Variants in TMED6 observed in about 807,000 individuals in gnomAD.
The protein encoded by TMED6 is transmembrane p24 trafficking protein 6, also known as transmembrane emp24 domain-containing protein 6.
In TMED6, 17 loss-of-function variants were observed where a neutral mutation model predicts 26.5. That is an observed-to-expected ratio of 0.64 (90% CI 0.44 to 0.96). The LOEUF (loss-of-function observed/expected upper bound fraction) is 0.96, where lower values mean the gene tolerates loss of function less well. Ranked by LOEUF, TMED6 falls within the 40% of genes least tolerant of loss-of-function variation. The pLI, the probability that TMED6 is intolerant of heterozygous loss-of-function variation, is 0.00. For synonymous variants in TMED6, 107 were observed against 106.2 expected (o/e 1.01, Z -0.04); for missense variants, 309 against 296.5 (o/e 1.04, Z -0.31).
chr16:69,344,956 G>T (rs1424582142), intron 3 of TMED6, among the ~76,000 whole-genome samples: 1 of 151,926 alleles, frequency 6.6e-6, no homozygotes, highest in Non-Finnish European at 1.5e-5. Context: ...AGGCGTGGTG[G>T]CACCCGCCTG....
intron 3 of TMED6, among the ~76,000 whole-genome samples, chr16:69,346,581 T>C (rs1398470968): frequency 6.6e-6 from 1 of 152,148 alleles, no homozygotes. Flanking sequence ...TTGGCCAACA[T>C]GGTGAAACCC....
intron 3 of TMED6, among the ~76,000 whole-genome samples, chr16:69,347,579 C>T (rs766791972): frequency 2.0e-5 from 3 of 152,108 alleles, no homozygotes; most frequent in Admixed American, 6.6e-5. Flanking sequence ...AGGCTGGTTT[C>T]GAACTCCTGA....
chr16:69,349,855 G>C (rs1323153826), intron 1 of TMED6, among the ~76,000 whole-genome samples: 1 of 152,178 alleles, frequency 6.6e-6, no homozygotes, highest in Non-Finnish European at 1.5e-5. Flanking sequence ...GCACAGCATT[G>C]CTGAACGTCT....
At chr16:69,351,450 A>G in intron 1 of TMED6, 91 bp downstream of exon 1, 2 of 1,231,004 alleles carry the variant, frequency 1.6e-6, no homozygotes, top group Non-Finnish European at 2.3e-6. Context: ...TAATAAAGAC[A>G]ACCAGACCTT....
chr16:69,345,830 C>T (rs543288504), intron 3 of TMED6, among the ~76,000 whole-genome samples: 1 of 151,938 alleles, frequency 6.6e-6, no homozygotes, highest in African/African-American at 2.4e-5. Context: ...TATGTGCCAC[C>T]ACACCCGGGT....
chr16:69,345,678 CAAAAAAAAAAAAAA>C (rs34468905), intron 3 of TMED6, among the ~76,000 whole-genome samples: 9 of 43,438 alleles, frequency 2.1e-4, no homozygotes, highest in African/African-American at 5.0e-4. Context: ...CTGACTCTCT[CAAAAAAAAAAAAAA>C]AAAAAAAAAA....
intron 3 of TMED6, 77 bp downstream of exon 3, chr16:69,347,711 C>T: frequency 6.3e-7 from 1 of 1,580,958 alleles, no homozygotes; most frequent in Non-Finnish European, 8.6e-7. Flanking sequence ...TGGTTTCTAC[C>T]TAAATGAAGT....
At chr16:69,348,960 G>A (rs1380298045) in intron 2 of TMED6, among the ~76,000 whole-genome samples, 1 of 152,200 alleles carries the variant, frequency 6.6e-6, no homozygotes, top group Non-Finnish European at 1.5e-5. Context: ...GCTTCATAGT[G>A]AAGGACTGTC....
At chr16:69,348,955 A>C (rs768390974) in intron 2 of TMED6, among the ~76,000 whole-genome samples, 7 of 152,174 alleles carry the variant, frequency 4.6e-5, no homozygotes, top group Non-Finnish European at 8.8e-5. Context: ...GCTGTGCTTC[A>C]TAGTGAAGGA....
chr16:69,348,204 T>G, intron 2 of TMED6: 1 of 283,690 alleles, frequency 3.5e-6, no homozygotes, highest in East Asian at 6.4e-5. Flanking sequence ...TAACATATAA[T>G]TCCCACATCT....
In TMED6 at chr16:69,348,907, G is replaced by A. The variant is rs140035888; in HGVS notation, c.340+618C>T. Among the ~76,000 whole-genome samples, 554 of 152,310 alleles carry A rather than the reference G, an allele frequency of 3.6e-3. 2 individuals are homozygous for A. Among genetic ancestry groups the A allele is most frequent in the African/African-American group, 0.013 (537 of 41,560 alleles). ...TGAGATTACAGGTGTGAGCCACCACGCCCAGCCTGTTCAAGATCTTTTAAC... is the reference window on the plus strand; with the variant it reads ...TGAGATTACAGGTGTGAGCCACCACACCCAGCCTGTTCAAGATCTTTTAAC... On this transcript the variant is annotated intron_variant, in intron 2 of 3. Coordinates refer to ENST00000288025, the MANE Select transcript of TMED6 (RefSeq NM_144676.4).
intron 1 of TMED6, among the ~76,000 whole-genome samples, chr16:69,350,887 G>A (rs1292286300): frequency 1.3e-5 from 2 of 152,110 alleles, no homozygotes; most frequent in African/African-American, 4.8e-5. Context: ...AAATTAGAAA[G>A]TTAACCGATT....
Position 69,343,659 on chromosome 16 carries a change from T to C in TMED6, c.490-19A>G. On this transcript the variant is annotated intron_variant, in intron 3 of 3. Coordinates refer to ENST00000288025, the MANE Select transcript of TMED6 (RefSeq NM_144676.4). ...TGCCGTCCTATGAGAGAGACAATTT[T>C]AAGGGGGATTCTTCCAAACCCCCAT... The C allele has an allele frequency of 6.2e-7, 1 of 1,602,742 alleles. No individual in the cohort carries two copies. Among genetic ancestry groups the C allele is most frequent in the Non-Finnish European group, 8.5e-7 (1 of 1,170,376 alleles).
At chr16:69,351,435 C>T in intron 1 of TMED6, 106 bp downstream of exon 1, 1 of 1,033,420 alleles carries the variant, frequency 9.7e-7, no homozygotes, top group Non-Finnish European at 1.4e-6. Context: ...TGGGGAATCA[C>T]AGCATAATAA....
In TMED6 at chr16:69,351,720, C is replaced by T. The variant is rs1050761718; in HGVS notation, c.34G>A (p.Val12Ile). The stretch of plus-strand genomic sequence containing the variant: ...CTGGCAGACGTCACTAGATTCAGAA[C>T]GACCAGCCCAGCCCCAAAGAGCAAA... ...SPLLFGAGLV[V>I]LNLVTSARSQ... The change falls in exon 1 of 4, where the codon GTT becomes ATT. Residue 12 changes from valine to isoleucine, a missense_variant. By Grantham distance (29) the Val-to-Ile change is conservative (BLOSUM62 3). Coordinates refer to ENST00000288025, the MANE Select transcript of TMED6 (RefSeq NM_144676.4). 78 of 1,613,382 alleles carry T rather than the reference C, an allele frequency of 4.8e-5. No homozygotes were observed. The highest frequency in any genetic ancestry group is 6.4e-5 in the Non-Finnish European group (75 of 1,180,006).
intron 3 of TMED6, among the ~76,000 whole-genome samples, chr16:69,347,550 G>A (rs761303231): frequency 3.3e-5 from 5 of 152,184 alleles, no homozygotes; most frequent in African/African-American, 4.8e-5. Context: ...AGTAGAGACA[G>A]GGTTTCACCA....
intron 3 of TMED6, among the ~76,000 whole-genome samples, chr16:69,347,190 A>G (rs2012699850): frequency 6.6e-6 from 1 of 152,206 alleles, no homozygotes; most frequent in South Asian, 2.1e-4. Context: ...ATAGTTGCAC[A>G]GCCTTGTGAA....
intron 3 of TMED6, among the ~76,000 whole-genome samples, chr16:69,345,122 C>T (rs1264533486): frequency 6.7e-6 from 1 of 149,110 alleles, no homozygotes; most frequent in East Asian, 2.0e-4. Flanking sequence ...AATAAAAATA[C>T]AAAAGTTAGC....
chr16:69,347,762 T>C, intron 3 of TMED6, 26 bp downstream of exon 3: 3 of 1,612,762 alleles, frequency 1.9e-6, no homozygotes, highest in Non-Finnish European at 2.5e-6. Context: ...CCACAGATGT[T>C]TCTCTTCCAC....
Sources: gnomAD v4.1 joint callset for allele counts (sites outside exome capture counted in the v4.1 genomes callset) on GRCh38, gnomAD v4.1.1 for gene constraint, MANE v1.5 for transcripts, NCBI Gene and HGNC (gene_info 2026-07-23, HGNC 2026-07-21) for gene names.